Variants in PDGFD observed in about 807,000 individuals in gnomAD.
PDGFD encodes platelet-derived growth factor D.
PDGFD carries 30 observed loss-of-function variants against 44.7 expected under a neutral mutation model. The observed-to-expected ratio is 0.67, with a 90% CI of 0.50 to 0.91. The LOEUF (loss-of-function observed/expected upper bound fraction) is 0.91, where lower values mean the gene tolerates loss of function less well. PDGFD is among the 40% of genes least tolerant of loss of function. The pLI, the probability that PDGFD is intolerant of heterozygous loss-of-function variation, is 0.00. For missense variants in PDGFD, 445 were observed against 457.8 expected, an observed-to-expected ratio of 0.97 and a Z score of 0.25; for synonymous variants, 173 against 168.4, an observed-to-expected ratio of 1.03 and a Z score of -0.21.
chr11:103,942,706 G>C (rs1858604979), intron 5 of PDGFD, among the ~76,000 whole-genome samples: 1 of 151,954 alleles, frequency 6.6e-6, no homozygotes, highest in Admixed American at 6.6e-5. Context: ...GCTTTAACAG[G>C]GTTCTCTCCT....
At chr11:103,933,062 G>C (rs1159187966) in intron 5 of PDGFD, among the ~76,000 whole-genome samples, 4 of 152,194 alleles carry the variant, frequency 2.6e-5, no homozygotes, top group Non-Finnish European at 5.9e-5. Flanking sequence ...CTGGTTCTCA[G>C]ATGCAAACAT....
At chr11:104,036,344 T>C (rs1419013434) in intron 1 of PDGFD, among the ~76,000 whole-genome samples, 1 of 151,916 alleles carries the variant, frequency 6.6e-6, no homozygotes, top group Non-Finnish European at 1.5e-5. Context: ...TTCAGGAGGC[T>C]GAGAGAGGAG....
intron 3 of PDGFD, among the ~76,000 whole-genome samples, chr11:103,970,481 C>A (rs1258526434): frequency 6.6e-6 from 1 of 152,124 alleles, no homozygotes; most frequent in Admixed American, 6.5e-5. Context: ...AATCGTGGAT[C>A]TGTCCAGTGC....
intron 3 of PDGFD, among the ~76,000 whole-genome samples, chr11:103,958,393 G>A (rs1365650372): frequency 6.6e-6 from 1 of 152,048 alleles, no homozygotes; most frequent in Non-Finnish European, 1.5e-5. Flanking sequence ...ATTTCAAAGA[G>A]AACATCTGAT....
chr11:103,917,019 T>C (rs145312236), intron 6 of PDGFD, among the ~76,000 whole-genome samples: 2,236 of 152,088 alleles, frequency 0.015, 50 homozygotes, highest in African/African-American at 0.051. Context: ...CAAGCCACCA[T>C]GGCACATGTA....
intron 3 of PDGFD, among the ~76,000 whole-genome samples, chr11:103,968,332 T>C (rs767036366): frequency 5.9e-5 from 9 of 152,202 alleles, no homozygotes; most frequent in Admixed American, 2.0e-4. Flanking sequence ...AAGAAATCTT[T>C]ACTGAGATCA....
chr11:104,149,423 G>GA (rs1473289723), intron 1 of PDGFD, among the ~76,000 whole-genome samples: 2 of 152,088 alleles, frequency 1.3e-5, no homozygotes, highest in African/African-American at 4.8e-5. Context: ...CATTCAAGAA[G>GA]AAAATGAATA....
At chr11:104,030,581 C>A (rs1300501314) in intron 1 of PDGFD, among the ~76,000 whole-genome samples, 1 of 152,198 alleles carries the variant, frequency 6.6e-6, no homozygotes, top group East Asian at 1.9e-4. Flanking sequence ...TAGGATGGGA[C>A]AACCACTTTT....
intron 5 of PDGFD, among the ~76,000 whole-genome samples, chr11:103,936,233 T>C (rs1160580888): frequency 1.3e-5 from 2 of 152,186 alleles, no homozygotes; most frequent in Non-Finnish European, 2.9e-5. Context: ...GTTACAGATA[T>C]CTGAAGACTG....
chr11:104,107,749 T>A (rs1019568834), intron 1 of PDGFD, among the ~76,000 whole-genome samples: 20 of 152,174 alleles, frequency 1.3e-4, no homozygotes, highest in Non-Finnish European at 2.5e-4. Flanking sequence ...TAATTCAACC[T>A]CTTTTTGCCT....
chr11:104,112,562 A>G (rs1273417313), intron 1 of PDGFD, among the ~76,000 whole-genome samples: 1 of 152,146 alleles, frequency 6.6e-6, no homozygotes, highest in African/African-American at 2.4e-5. Context: ...TTATAAAGAC[A>G]CATGCATGCA....
At chr11:103,964,965 T>TG (rs1858992566) in intron 3 of PDGFD, among the ~76,000 whole-genome samples, 1 of 150,604 alleles carries the variant, frequency 6.6e-6, no homozygotes, top group South Asian at 2.1e-4. Context: ...GGTAGTGGAG[T>TG]GGGGAAAGGG....
chr11:104,074,502 A>T (rs1348476502), intron 1 of PDGFD, among the ~76,000 whole-genome samples: 1 of 152,238 alleles, frequency 6.6e-6, no homozygotes, highest in Non-Finnish European at 1.5e-5. Context: ...TTTCAAATTT[A>T]AATGAATGAA....
chr11:104,122,871 AAGAT>A (rs1175245535), intron 1 of PDGFD, among the ~76,000 whole-genome samples: 2 of 152,028 alleles, frequency 1.3e-5, no homozygotes, highest in East Asian at 3.9e-4. Context: ...AGGAAACAAA[AAGAT>A]AGATAGAAAG....
chr11:104,143,532 A>G (rs1355306215), intron 1 of PDGFD, among the ~76,000 whole-genome samples: 2 of 152,178 alleles, frequency 1.3e-5, no homozygotes, highest in African/African-American at 4.8e-5. Flanking sequence ...GGGTAACCCA[A>G]GCTCTTTGGG....
intron 1 of PDGFD, among the ~76,000 whole-genome samples, chr11:104,125,888 T>C (rs911964559): frequency 6.6e-6 from 1 of 152,182 alleles, no homozygotes; most frequent in Non-Finnish European, 1.5e-5. Context: ...ACATTTATGG[T>C]ACCAGATATT....
At chr11:104,143,284 T>G (rs1054436813) in intron 1 of PDGFD, among the ~76,000 whole-genome samples, 5 of 152,088 alleles carry the variant, frequency 3.3e-5, no homozygotes, top group African/African-American at 4.8e-5. Flanking sequence ...AATCATTGAT[T>G]AGGTAGTAAG....
At chr11:104,106,926 T>A (rs529709781) in intron 1 of PDGFD, among the ~76,000 whole-genome samples, 3 of 151,952 alleles carry the variant, frequency 2.0e-5, no homozygotes, top group African/African-American at 7.2e-5. Flanking sequence ...GTGTTTTTAG[T>A]AGAGATGGGG....
chr11:104,100,341 C>T (rs374453273), intron 1 of PDGFD, among the ~76,000 whole-genome samples: 9 of 152,056 alleles, frequency 5.9e-5, no homozygotes, highest in East Asian at 1.9e-4. Flanking sequence ...AACACGTCTA[C>T]GCAAATAAAC....
Sources: gnomAD v4.1 joint callset for allele counts (sites outside exome capture counted in the v4.1 genomes callset) on GRCh38, gnomAD v4.1.1 for gene constraint, MANE v1.5 for transcripts, NCBI Gene and HGNC (gene_info 2026-07-23, HGNC 2026-07-21) for gene names.